KDM4B: variants seen among roughly 807,000 people sequenced by gnomAD.
KDM4B encodes the protein lysine-specific demethylase 4B.
Under a neutral mutation model 125.2 loss-of-function variants are expected in KDM4B, and 32 were observed. The observed-to-expected ratio is 0.26, with a 90% CI of 0.19 to 0.34. The LOEUF is 0.34. Among genes scored for constraint, KDM4B ranks in the 10% least tolerant of loss-of-function variants. KDM4B has a pLI of 1.00. For missense variants in KDM4B, 1,190 were observed against 1,577.7 expected (o/e 0.75, Z 4.16); for synonymous variants, 721 against 677.9 (o/e 1.06, Z -0.99).
intron 9 of KDM4B, among the ~76,000 whole-genome samples, chr19:5,104,216 G>A (rs1249407981): frequency 1.3e-5 from 2 of 152,164 alleles, no homozygotes; most frequent in African/African-American, 4.8e-5. Context: ...AGGCGTGCCA[G>A]CACAGCTCCT....
intron 2 of KDM4B, among the ~76,000 whole-genome samples, chr19:5,029,915 C>T (rs1320886329): frequency 6.6e-6 from 1 of 152,210 alleles, no homozygotes; most frequent in Non-Finnish European, 1.5e-5. Flanking sequence ...CTGAGAGTGG[C>T]TCCCGGTGTC....
In KDM4B at chr19:5,082,731, C is replaced by T. The variant is rs915017885; in HGVS notation, c.918+227C>T. 1.3e-5 allele frequency among the ~76,000 whole-genome samples: 2 copies of T among 152,212 alleles called. No homozygotes were observed. The highest frequency in any genetic ancestry group is 4.8e-5 in the African/African-American group (2 of 41,472). ...GCAGGTCGGGTGGACGATGGTGGCC[C>T]AGGGCCCATCTCCAGCGAGTTCCAT... On this transcript the variant is annotated intron_variant, in intron 9 of 22. Transcript: ENST00000159111. This position sits in a 1 kb window ranked among gnomAD's most constrained non-coding sequence, Gnocchi z 5.4.
intron 11 of KDM4B, among the ~76,000 whole-genome samples, chr19:5,125,434 C>T (rs1250804149): frequency 1.3e-5 from 2 of 152,166 alleles, no homozygotes; most frequent in South Asian, 2.1e-4. Flanking sequence ...GGCAGTTGCC[C>T]GCTGGAGAGA....
At chr19:5,138,594 T>A (rs2039689794) in intron 18 of KDM4B, 3 of 160,430 alleles carry the variant, frequency 1.9e-5, no homozygotes, top group Non-Finnish European at 4.1e-5. Flanking sequence ...ATACCCAGGC[T>A]GCAGTGAGCT....
At chr19:5,116,853 AG>A (rs952135954) in intron 10 of KDM4B, among the ~76,000 whole-genome samples, 20 of 152,174 alleles carry the variant, frequency 1.3e-4, no homozygotes, top group African/African-American at 4.6e-4. Flanking sequence ...CAGGGAGAGA[AG>A]GGGACGGTCA....
intron 11 of KDM4B, among the ~76,000 whole-genome samples, chr19:5,125,836 A>T (rs1218346258): frequency 1.4e-5 from 2 of 144,692 alleles, no homozygotes; most frequent in Admixed American, 1.4e-4. Context: ...CCTGGGAAGG[A>T]CCCAATCTGG....
At chr19:5,133,292 G>A (rs898575452) in intron 13 of KDM4B, among the ~76,000 whole-genome samples, 2 of 152,198 alleles carry the variant, frequency 1.3e-5, no homozygotes, top group African/African-American at 4.8e-5. Context: ...TCCCCGTCAC[G>A]CAGCTCTTCC....
rs1207972179 is a variant in KDM4B, at chr19:5,019,296, G to A, written c.-26+2957G>A. 3.2e-5 allele frequency among the ~76,000 whole-genome samples: 3 copies of A among 95,120 alleles called. No individual in the cohort carries two copies. In the South Asian group the frequency reaches 9.8e-4, roughly 31 times the overall value. 62.4% of individuals were successfully genotyped at this position (95,120 alleles called of 152,430 possible). On this transcript the variant is annotated intron_variant, in intron 2 of 22. Coordinates refer to ENST00000159111, the MANE Select transcript of KDM4B (RefSeq NM_015015.3). ...TGTTGGTGTGGACATTGGTGTGCAG[G>A]TGTTGGTGTGGGTGTTGGTGTGGAC...
At chr19:5,110,934 T>C in intron 10 of KDM4B, 116 bp downstream of exon 10, 1 of 764,540 alleles carries the variant, frequency 1.3e-6, no homozygotes, top group Non-Finnish European at 2.0e-6. Flanking sequence ...ACTCCTCCCT[T>C]TCTTCCTATT....
chr19:5,024,489 C>A (rs573121177), intron 2 of KDM4B, among the ~76,000 whole-genome samples: 4 of 152,284 alleles, frequency 2.6e-5, no homozygotes, highest in Admixed American at 1.3e-4. Flanking sequence ...GCGTCCCTCA[C>A]TTGTTCCTCC....
intron 6 of KDM4B, among the ~76,000 whole-genome samples, chr19:5,048,566 C>T (rs1358587126): frequency 6.6e-6 from 1 of 150,764 alleles, no homozygotes; most frequent in Non-Finnish European, 1.5e-5. Flanking sequence ...TCCGCCTTGC[C>T]TGGCCCTTCC....
rs372581120 is a variant in KDM4B, at chr19:5,132,020, T to A, written c.1906+13T>A. On this transcript the variant is annotated intron_variant, in intron 13 of 22. Transcript: ENST00000159111. ...TCAAGTGACGAGGGTGAGTGGGGGGTCCCCAGGTCGGCTCTCATCAGCCCT... is the reference window on the plus strand; with the variant it reads ...TCAAGTGACGAGGGTGAGTGGGGGGACCCCAGGTCGGCTCTCATCAGCCCT... 8 of 1,596,818 alleles carry A rather than the reference T, an allele frequency of 5.0e-6. No homozygotes were observed. The highest frequency in any genetic ancestry group is 4.0e-5 in the African/African-American group (3 of 74,406).
At chr19:5,041,004 G>A in intron 4 of KDM4B, 133 bp from the exon 5 acceptor site, 1 of 566,062 alleles carries the variant, frequency 1.8e-6, no homozygotes, top group South Asian at 2.0e-5. Context: ...GGTACCCTAG[G>A]CGGGGCAGCG....
At chr19:5,053,948 G>A (rs1361348090) in intron 6 of KDM4B, among the ~76,000 whole-genome samples, 3 of 152,254 alleles carry the variant, frequency 2.0e-5, no homozygotes, top group African/African-American at 4.8e-5. Context: ...GAGCGTGGCC[G>A]TGGGCAGGCA....
intron 18 of KDM4B, among the ~76,000 whole-genome samples, 199 bp from the exon 19 acceptor site, chr19:5,143,768 G>C (rs1298938082): frequency 6.6e-6 from 1 of 152,210 alleles, no homozygotes; most frequent in Non-Finnish European, 1.5e-5. Context: ...GCAGCAGGAG[G>C]CTGGGTCAGT....
At chr19:5,102,243 C>A (rs565995928) in intron 9 of KDM4B, among the ~76,000 whole-genome samples, 3 of 152,334 alleles carry the variant, frequency 2.0e-5, no homozygotes, top group African/African-American at 7.2e-5. Flanking sequence ...GGTGTGTCCT[C>A]CCTAAAGGCA....
rs375749984 is a variant in KDM4B at position 5,135,391 on chromosome 19, C to T, written c.2138C>T (p.Pro713Leu). The change falls in exon 15 of 23, where the codon CCG becomes CTG. Residue 713 changes from proline (P) to leucine (L), a missense_variant. Pro to Leu is a moderately conservative substitution (Grantham distance 98, BLOSUM62 -3). Coordinates refer to ENST00000159111, the MANE Select transcript of KDM4B (RefSeq NM_015015.3). Reference protein sequence around the residue: ...APIASLGEGCPATLPSKSRQK... With the variant: ...APIASLGEGCLATLPSKSRQK... Reference sequence around the variant, plus strand: ...ATAGCCTCCCTCGGAGAGGGCTGCCCGGCCACATTACCCTCCAAAAGCCGT... The same window carrying T: ...ATAGCCTCCCTCGGAGAGGGCTGCCTGGCCACATTACCCTCCAAAAGCCGT... The T allele has an allele frequency of 2.0e-5, 32 of 1,613,480 alleles. No homozygotes were observed. Among genetic ancestry groups the T allele is most frequent in the Middle Eastern group, 3.3e-4 (2 of 6,082 alleles).
intron 6 of KDM4B, among the ~76,000 whole-genome samples, chr19:5,069,968 G>C (rs1342105657): frequency 6.6e-6 from 1 of 152,152 alleles, no homozygotes; most frequent in African/African-American, 2.4e-5. Context: ...TGGAGCAGGG[G>C]CCGTCTCCCA....
intron 9 of KDM4B, among the ~76,000 whole-genome samples, chr19:5,084,532 ATT>A (rs1491487410): frequency 9.7e-5 from 1 of 10,320 alleles, no homozygotes. Flanking sequence ...TATATATGTT[ATT>A]TATATATTAT....
Sources: gnomAD v4.1 joint callset for allele counts (sites outside exome capture counted in the v4.1 genomes callset) on GRCh38, gnomAD v4.1.1 for gene constraint, Gnocchi (gnomAD v3.1) non-coding constraint, MANE v1.5 for transcripts, NCBI Gene and HGNC (gene_info 2026-07-23, HGNC 2026-07-21) for gene names.